Variants in EPHA3 observed in about 807,000 individuals in gnomAD.
The protein encoded by EPHA3 is EPH receptor A3.
EPHA3 carries 42 observed loss-of-function variants against 107.1 expected under a neutral mutation model. The observed-to-expected ratio is 0.39, with a 90% CI of 0.31 to 0.51. The LOEUF is 0.51. Among genes scored for constraint, EPHA3 ranks in the 20% least tolerant of loss-of-function variants. The pLI is 0.78. For synonymous variants in EPHA3, 461 were observed against 424.8 expected (o/e 1.09, Z -1.05); for missense variants, 1,183 against 1,211.2 (o/e 0.98, Z 0.35).
chr3:89,445,165 C>A (rs1308218004), intron 13 of EPHA3, among the ~76,000 whole-genome samples: 3 of 152,116 alleles, frequency 2.0e-5, no homozygotes, highest in Admixed American at 2.0e-4. Flanking sequence ...ACTAAGGAGG[C>A]TGAGGCACAA....
intron 2 of EPHA3, among the ~76,000 whole-genome samples, chr3:89,160,129 G>T (rs368603994): frequency 6.6e-6 from 1 of 151,990 alleles, no homozygotes; most frequent in Non-Finnish European, 1.5e-5. Flanking sequence ...CTTACATTCC[G>T]TTAGGAGAAG....
At chr3:89,472,395 T>A in intron 15 of EPHA3, 69 bp from the exon 16 acceptor site, 1 of 1,514,194 alleles carries the variant, frequency 6.6e-7, no homozygotes, top group South Asian at 1.2e-5. Flanking sequence ...GATGTTAGTG[T>A]CAAATTTTGA....
chr3:89,441,230 T>C (rs533027856), intron 13 of EPHA3, among the ~76,000 whole-genome samples: 1 of 152,276 alleles, frequency 6.6e-6, no homozygotes, highest in East Asian at 1.9e-4. Flanking sequence ...TAGCTATACA[T>C]AGATGAGAAG....
intron 3 of EPHA3, among the ~76,000 whole-genome samples, chr3:89,317,204 T>A (rs1706929698): frequency 6.6e-6 from 1 of 151,846 alleles, no homozygotes; most frequent in Admixed American, 6.6e-5. Flanking sequence ...TCAAAACATC[T>A]CAACAATTAG....
chr3:89,410,056 C>G (rs1444589622), intron 9 of EPHA3, among the ~76,000 whole-genome samples: 3 of 151,870 alleles, frequency 2.0e-5, no homozygotes, highest in African/African-American at 7.3e-5. Flanking sequence ...TTATGTGCCT[C>G]GCAGCCTGAA....
At chr3:89,397,850 T>A (rs940942389) in intron 6 of EPHA3, among the ~76,000 whole-genome samples, 1 of 152,214 alleles carries the variant, frequency 6.6e-6, no homozygotes, top group African/African-American at 2.4e-5. Context: ...CCCAAAGTGC[T>A]GGGATTACAG....
intron 7 of EPHA3, chr3:89,399,821 T>A: frequency 9.1e-7 from 1 of 1,099,394 alleles, no homozygotes; most frequent in Non-Finnish European, 1.1e-6. Flanking sequence ...CCAGGTTCAT[T>A]GCGTGATTCA....
intron 3 of EPHA3, among the ~76,000 whole-genome samples, chr3:89,292,451 C>T (rs1706234309): frequency 6.6e-6 from 1 of 152,130 alleles, no homozygotes. Context: ...CACAGGGGTC[C>T]TGGAACGAGT....
intron 3 of EPHA3, among the ~76,000 whole-genome samples, chr3:89,282,664 C>T (rs958102248): frequency 1.2e-4 from 18 of 151,936 alleles, no homozygotes; most frequent in Non-Finnish European, 2.4e-4. Context: ...AAAAGATTTA[C>T]AATCAATTAT....
At chr3:89,375,119 T>A (rs1708378014) in intron 5 of EPHA3, among the ~76,000 whole-genome samples, 1 of 151,758 alleles carries the variant, frequency 6.6e-6, no homozygotes, top group African/African-American at 2.4e-5. Flanking sequence ...TGTTTGTGTG[T>A]TTTTTTAGTT....
chr3:89,147,586 A>G (rs924749588), intron 2 of EPHA3, among the ~76,000 whole-genome samples: 7 of 151,846 alleles, frequency 4.6e-5, no homozygotes, highest in Admixed American at 2.0e-4. Context: ...CACGAACAGA[A>G]TCGTGTTTCA....
intron 5 of EPHA3, among the ~76,000 whole-genome samples, chr3:89,390,394 T>G (rs1025936915): frequency 2.6e-5 from 4 of 151,570 alleles, no homozygotes; most frequent in African/African-American, 7.3e-5. Context: ...AGGTCAGGAG[T>G]TCAAAACCAT....
At chr3:89,158,875 C>T (rs553303251) in intron 2 of EPHA3, among the ~76,000 whole-genome samples, 16 of 152,122 alleles carry the variant, frequency 1.1e-4, no homozygotes, top group African/African-American at 3.6e-4. Context: ...TGAAAAAATA[C>T]ATATATTTGC....
intron 15 of EPHA3, among the ~76,000 whole-genome samples, chr3:89,455,905 T>C (rs1456086605): frequency 2.0e-5 from 3 of 152,324 alleles, no homozygotes; most frequent in South Asian, 2.1e-4. Flanking sequence ...TTTTCTGTGA[T>C]TGTGTCTGTG....
At chr3:89,195,662 T>C (rs1705821698) in intron 2 of EPHA3, among the ~76,000 whole-genome samples, 1 of 152,166 alleles carries the variant, frequency 6.6e-6, no homozygotes. Flanking sequence ...ATTTGCTTAT[T>C]CAATGAGTGG....
intron 3 of EPHA3, among the ~76,000 whole-genome samples, chr3:89,338,120 CTT>C (rs1226972568): frequency 6.6e-6 from 1 of 152,170 alleles, no homozygotes; most frequent in Non-Finnish European, 1.5e-5. Flanking sequence ...TTGTCCATAA[CTT>C]TGGCCGTTCA....
intron 3 of EPHA3, among the ~76,000 whole-genome samples, chr3:89,219,189 G>T (rs1206965736): frequency 1.3e-5 from 2 of 151,126 alleles, no homozygotes; most frequent in African/African-American, 4.9e-5. Context: ...TCGAGATGGA[G>T]TTTTGCTCTT....
At chr3:89,392,958 C>CT (rs1156482245) in intron 5 of EPHA3, among the ~76,000 whole-genome samples, 1 of 152,004 alleles carries the variant, frequency 6.6e-6, no homozygotes, top group Non-Finnish European at 1.5e-5. Flanking sequence ...GAATTTGTCT[C>CT]TTTCTCCATT....
In EPHA3 at chr3:89,292,329, T is replaced by C. The variant is rs117052310; in HGVS notation, c.815-48587T>C. 8.5e-5 allele frequency among the ~76,000 whole-genome samples: 13 copies of C among 152,248 alleles called. No homozygotes were observed. In the East Asian group the frequency reaches 1.9e-3, roughly 23 times the overall value. On this transcript the variant is annotated intron_variant, in intron 3 of 16. Coordinates refer to ENST00000336596, the MANE Select transcript of EPHA3 (RefSeq NM_005233.6). ...TCCATATCATTTACATTGTATTAGG[T>C]ATTTTAAGCAATCTAGAGATGATTT... is the stretch of plus-strand genomic sequence containing the variant.
Sources: gnomAD v4.1 joint callset for allele counts (sites outside exome capture counted in the v4.1 genomes callset) on GRCh38, gnomAD v4.1.1 for gene constraint, MANE v1.5 for transcripts, NCBI Gene and HGNC (gene_info 2026-07-23, HGNC 2026-07-21) for gene names.